The following BDH2 variants were observed in gnomAD, a reference collection of about 807,000 sequenced individuals.
BDH2 encodes dehydrogenase/reductase SDR family member 6.
A neutral mutation model predicts 33.2 loss-of-function variants in BDH2; 24 were observed. The observed-to-expected ratio is 0.72, with a 90% confidence interval of 0.52 to 1.02. BDH2 has a LOEUF of 1.02. BDH2 is among the 50% of genes least tolerant of loss of function. BDH2 has a pLI of 0.00. For synonymous variants in BDH2, 81 were observed against 101.6 expected (o/e 0.80, Z 1.22); for missense variants, 249 against 301.6 (o/e 0.83, Z 1.29).
chr4:103,086,683 C>G (rs776414211), intron 5 of BDH2, 143 bp from the exon 6 acceptor site: 10 of 1,029,178 alleles, frequency 9.7e-6, no homozygotes, highest in Non-Finnish European at 1.4e-5. Context: ...CACTATTAAG[C>G]AGTCTTAACA....
chr4:103,096,280 G>A lies in BDH2; in HGVS notation c.-20-6C>T, dbSNP rs1373147727. 8 of 1,583,164 alleles carry A rather than the reference G, an allele frequency of 5.1e-6. No homozygotes were observed. The highest frequency in any genetic ancestry group is 1.3e-5 in the African/African-American group (1 of 74,410). On this transcript the variant is annotated splice_region_variant and splice_polypyrimidine_tract_variant and intron_variant, in intron 1 of 9. Coordinates refer to ENST00000296424, the MANE Select transcript of BDH2 (RefSeq NM_020139.4). ...AATGGAACCTGTGGTTTAATCTAAA[G>A]ACATGTGTGTTTAATGGGTTATACT...
chr4:103,091,702 T>G, intron 4 of BDH2: 1 of 455,768 alleles, frequency 2.2e-6, no homozygotes, highest in South Asian at 1.6e-5. Context: ...CTATGATCAT[T>G]CCACTGCCCT....
rs912849227 is a variant in BDH2 at position 103,079,688 on chromosome 4, T to C, written c.*14A>G. The C allele has an allele frequency of 6.2e-7, 1 of 1,612,738 alleles. No homozygotes were observed. Among genetic ancestry groups the C allele is most frequent in the African/African-American group, 1.3e-5 (1 of 74,896 alleles). On this transcript the variant is annotated 3_prime_UTR_variant, in exon 10 of 10. Coordinates refer to ENST00000296424, the MANE Select transcript of BDH2 (RefSeq NM_020139.4). ...GAAGGGCCTGCCTTCCTTCCCACCA[T>C]GGAGATCCTAAAATCACAAGCTCCA... is the stretch of plus-strand genomic sequence containing the variant.
intron 4 of BDH2, 78 bp from the exon 5 acceptor site, chr4:103,091,363 C>A: frequency 3.3e-6 from 3 of 897,890 alleles, no homozygotes; most frequent in South Asian, 2.9e-5. Context: ...TTTTTATTGT[C>A]ACTTAGTGAC....
chr4:103,092,648 T>C lies in BDH2; in HGVS notation c.200A>G (p.Gln67Arg). Residue 67 changes from glutamine (Q) to arginine (R), a missense_variant, in exon 4 of 10, where the codon CAG (glutamine) becomes CGG (arginine). Gln to Arg is a conservative substitution (Grantham distance 43). Transcript: ENST00000296424. ...LDVTKKKQID[Q>R]FANEVERLDV... ...AAGTCTCTCAACTTCATTGGCAAACTGATCAATTTGTTTCTTCTTTGTGAC... is the reference window on the plus strand; with the variant it reads ...AAGTCTCTCAACTTCATTGGCAAACCGATCAATTTGTTTCTTCTTTGTGAC... 6.2e-7 allele frequency: 1 copy of C among 1,613,226 alleles called. No homozygotes were observed. The highest frequency in any genetic ancestry group is 8.5e-7 in the Non-Finnish European group (1 of 1,179,372).
rs868591621 is a variant in BDH2, at chr4:103,095,254, T to C, written c.100A>G (p.Ile34Val). 1.2e-6 allele frequency: 2 copies of C among 1,613,890 alleles called. No individual in the cohort carries two copies. Among genetic ancestry groups the C allele is most frequent in the South Asian group, 2.2e-5 (2 of 91,086 alleles). ...TTGGACTCATTAATGTCTGTGGCTA[T>C]GACTTTGGCACCTTCTCTTGCAAAA... ...LAFAREGAKV[I>V]ATDINESKLQ... Residue 34 changes from isoleucine to valine, a missense_variant, in exon 3 of 10, where the codon ATA becomes GTA. By Grantham distance (29) the Ile-to-Val change is conservative. Coordinates refer to ENST00000296424, the MANE Select transcript of BDH2 (RefSeq NM_020139.4).
intron 5 of BDH2, among the ~76,000 whole-genome samples, chr4:103,087,752 C>T (rs1747867071): frequency 6.6e-6 from 1 of 152,076 alleles, no homozygotes; most frequent in Non-Finnish European, 1.5e-5. Context: ...ATAAAGAAAA[C>T]TGCTATGAAT....
In BDH2 at chr4:103,077,669, T is replaced by TATATGTA. The variant is rs1161658759; in HGVS notation, c.*2032_*2033insTACATAT. ...TTTGTTCATAGCTATACATATATTA[T>TATATGTA]ACATGTATACCTGCTCACAGCATAA... On this transcript the variant is annotated 3_prime_UTR_variant, in exon 10 of 10. Transcript: ENST00000296424. 1.3e-5 allele frequency among the ~76,000 whole-genome samples: 2 copies of TATATGTA among 152,250 alleles called. No individual in the cohort carries two copies. The highest frequency in any genetic ancestry group is 3.8e-4 in the East Asian group (2 of 5,208).
chr4:103,087,886 AAG>A (rs1226688470), intron 5 of BDH2, among the ~76,000 whole-genome samples: 1 of 152,226 alleles, frequency 6.6e-6, no homozygotes, highest in African/African-American at 2.4e-5. Context: ...CTTTTAGAAA[AAG>A]AGGTGTAGGA....
Position 103,080,016 on chromosome 4 carries a change from A to C in BDH2, c.685-261T>G, listed in dbSNP as rs149382179. ...TTAGGTATTTGGTCTCAGAATCCCC[A>C]AATTAAGGAACAGTGATGTATAGCC... On this transcript the variant is annotated intron_variant, in intron 9 of 9. Coordinates refer to ENST00000296424, the MANE Select transcript of BDH2 (RefSeq NM_020139.4). Among the ~76,000 whole-genome samples the C allele has an allele frequency of 5.6e-4, 85 of 152,340 alleles. 2 individuals are homozygous for C. The highest frequency in any genetic ancestry group is 1.7e-3 in the African/African-American group (70 of 41,582).
chr4:103,084,670 C>T (rs1024350683), intron 7 of BDH2, among the ~76,000 whole-genome samples: 5 of 152,322 alleles, frequency 3.3e-5, no homozygotes, highest in South Asian at 2.1e-4. Flanking sequence ...GCGTTACCTA[C>T]GTTTACATTT....
intron 9 of BDH2, among the ~76,000 whole-genome samples, 177 bp from the exon 10 acceptor site, chr4:103,079,932 G>C (rs757405084): frequency 4.5e-4 from 68 of 152,334 alleles, no homozygotes; most frequent in Non-Finnish European, 7.4e-4. Context: ...TAGAACTGCT[G>C]AGTGTCCTGT....
chr4:103,086,361 A>G (rs1747780570), intron 6 of BDH2, 119 bp downstream of exon 6: 1 of 1,389,310 alleles, frequency 7.2e-7, no homozygotes, highest in Non-Finnish European at 9.4e-7. Flanking sequence ...TGAAAAAAGC[A>G]GTTTTGAAAT....
At position 103,077,957 on chromosome 4, in the gene BDH2, G is replaced by A. The variant is rs1423271319; in HGVS notation, c.*1745C>T. Among the ~76,000 whole-genome samples, 2 of 152,192 alleles carry A rather than the reference G, an allele frequency of 1.3e-5. No homozygotes were observed. Among genetic ancestry groups the A allele is most frequent in the African/African-American group, 4.8e-5 (2 of 41,442 alleles). On this transcript the variant is annotated 3_prime_UTR_variant, in exon 10 of 10. Coordinates refer to ENST00000296424, the MANE Select transcript of BDH2 (RefSeq NM_020139.4). ...ATCAATGGACTCTTTCTGAATGCTA[G>A]TCAAAATGTCCTTTTGTGTGAATTT...
intron 5 of BDH2, among the ~76,000 whole-genome samples, chr4:103,086,813 G>C (rs1284766532): frequency 2.0e-5 from 3 of 152,222 alleles, no homozygotes; most frequent in African/African-American, 7.2e-5. Flanking sequence ...GCAAGACTAC[G>C]AGTGAATGCT....
chr4:103,097,534 A>G (rs1249653826), intron 1 of BDH2: 2 of 152,186 alleles, frequency 1.3e-5, no homozygotes, highest in South Asian at 2.1e-4. Flanking sequence ...CTGACCTCAT[A>G]CGAACTCACA....
intron 3 of BDH2, 144 bp from the exon 4 acceptor site, chr4:103,092,840 T>C (rs1381170145): frequency 3.0e-6 from 2 of 675,250 alleles, no homozygotes; most frequent in Non-Finnish European, 5.3e-6. Context: ...GTCTTAAGAA[T>C]CTTCAGAGTC....
chr4:103,079,674 C>T lies in BDH2; in HGVS notation c.*28G>A, dbSNP rs1252310254. 8 of 1,609,748 alleles carry T rather than the reference C, an allele frequency of 5.0e-6. No homozygotes were observed. Among genetic ancestry groups the T allele is most frequent in the Non-Finnish European group, 6.8e-6 (8 of 1,176,574 alleles). On this transcript the variant is annotated 3_prime_UTR_variant, in exon 10 of 10. Transcript: ENST00000296424. ...TTCACTGTGGATAGGAAGGGCCTGC[C>T]TTCCTTCCCACCATGGAGATCCTAA...
chr4:103,088,870 C>A (rs10516498), intron 5 of BDH2, among the ~76,000 whole-genome samples: 31 of 152,104 alleles, frequency 2.0e-4, no homozygotes, highest in African/African-American at 6.5e-4. Flanking sequence ...CACCTCTATA[C>A]GCTGAAGACT....
Sources: gnomAD v4.1 joint callset for allele counts (sites outside exome capture counted in the v4.1 genomes callset) on GRCh38, gnomAD v4.1.1 for gene constraint, MANE v1.5 for transcripts, NCBI Gene and HGNC (gene_info 2026-07-23, HGNC 2026-07-21) for gene names.